Variants in HPF1 observed in about 807,000 individuals in gnomAD.
HPF1 encodes the protein histone PARylation factor 1, also known as UPF0609 protein C4orf27.
HPF1 carries 35 observed loss-of-function variants against 38.8 expected under a neutral mutation model. The ratio of observed to expected loss-of-function variants is 0.90; its 90% confidence interval spans 0.69 to 1.19. The LOEUF is 1.19. Ranked by LOEUF, HPF1 falls within the 50% of genes most tolerant of loss-of-function variation. The probability of loss-of-function intolerance (pLI) is 0.00; values close to 1 mark genes in which losing one functional copy is unlikely to be tolerated. For missense variants in HPF1, 367 were observed against 405.8 expected, an observed-to-expected ratio of 0.90 and a Z score of 0.82; for synonymous variants, 115 against 139.2, an observed-to-expected ratio of 0.83 and a Z score of 1.22.
chr4:169,751,538 C>T (rs961490757), intron 2 of HPF1, among the ~76,000 whole-genome samples: 1 of 152,072 alleles, frequency 6.6e-6, no homozygotes, highest in African/African-American at 2.4e-5. Flanking sequence ...TCTTCCTTCT[C>T]TATTCACGGA....
intron 3 of HPF1, among the ~76,000 whole-genome samples, chr4:169,749,595 T>A (rs575182954): frequency 2.6e-5 from 4 of 151,716 alleles, no homozygotes; most frequent in East Asian, 3.9e-4. Flanking sequence ...AGGGCATTTT[T>A]AAAAAAATTC....
chr4:169,751,295 G>T (rs763295274), intron 2 of HPF1, among the ~76,000 whole-genome samples: 1 of 151,494 alleles, frequency 6.6e-6, no homozygotes, highest in Non-Finnish European at 1.5e-5. Context: ...CCCAGCTATT[G>T]GAGAGGCTGA....
chr4:169,753,034 T>TTG (rs1553979714), intron 2 of HPF1, among the ~76,000 whole-genome samples: 1 of 144,816 alleles, frequency 6.9e-6, no homozygotes, highest in East Asian at 2.0e-4. Context: ...TTAGGTTTTT[T>TTG]TTTTTTTTTT....
intron 1 of HPF1, among the ~76,000 whole-genome samples, chr4:169,754,405 G>A (rs1734159059): frequency 6.6e-6 from 1 of 152,106 alleles, no homozygotes; most frequent in South Asian, 2.1e-4. Context: ...AAAGTTAGCA[G>A]AATAGCACTA....
chr4:169,729,788 A>G lies in HPF1; in HGVS notation c.910-79T>C, dbSNP rs545916935. On this transcript the variant is annotated intron_variant, in intron 7 of 7. Transcript: ENST00000393381. ...GTAGCAGAAAATATATCAACAAAGC[A>G]CTTGTTTAACAAAGGCTACTTCCAA... The G allele has an allele frequency of 9.8e-5, 105 of 1,071,340 alleles. No homozygotes were observed. The East Asian group carries it at 2.1e-3, about 22-fold the overall frequency. 66.4% of individuals were successfully genotyped at this position (1,071,340 alleles called of 1,614,324 possible).
chr4:169,731,533 G>T (rs1010806990), intron 7 of HPF1, among the ~76,000 whole-genome samples, 171 bp downstream of exon 7: 2 of 152,058 alleles, frequency 1.3e-5, no homozygotes, highest in Non-Finnish European at 2.9e-5. Context: ...GGACATCTAC[G>T]TTAAAAAAAA....
chr4:169,744,324 T>G lies in HPF1; in HGVS notation c.498-2217A>C, dbSNP rs1214878627. Among the ~76,000 whole-genome samples the G allele has an allele frequency of 2.0e-5, 3 of 152,242 alleles. 1 individual carries two copies. Among genetic ancestry groups the G allele is most frequent in the Non-Finnish European group, 4.4e-5 (3 of 68,040 alleles). On this transcript the variant is annotated intron_variant, in intron 4 of 7. Coordinates refer to ENST00000393381, the MANE Select transcript of HPF1 (RefSeq NM_017867.3). The stretch of plus-strand genomic sequence containing the variant: ...TATCCTCTTTTACCTCTGCCACTAT[T>G]GAAGGCACTTGGTAGCTGCCTTCCC...
Position 169,745,940 on chromosome 4 carries a change from A to G in HPF1, c.497+2804T>C, listed in dbSNP as rs72696697. Among the ~76,000 whole-genome samples the G allele has an allele frequency of 5.6e-3, 850 of 152,320 alleles. 9 individuals carry two copies. The highest frequency in any genetic ancestry group is 0.047 in the South Asian group (229 of 4,824). ...ATTGGTGCAAAAATAACATTTTATT[A>G]TCACAAATAGTTTTGACCTTAAGGG... On this transcript the variant is annotated intron_variant, in intron 4 of 7. Coordinates refer to ENST00000393381, the MANE Select transcript of HPF1 (RefSeq NM_017867.3).
chr4:169,753,197 C>T (rs991482669), intron 2 of HPF1, among the ~76,000 whole-genome samples: 4 of 151,884 alleles, frequency 2.6e-5, no homozygotes, highest in African/African-American at 9.7e-5. Flanking sequence ...CCATGCCCAG[C>T]TAAATTTTGT....
intron 7 of HPF1, among the ~76,000 whole-genome samples, chr4:169,730,987 G>A (rs1169747485): frequency 6.6e-6 from 1 of 152,142 alleles, no homozygotes; most frequent in East Asian, 1.9e-4. Flanking sequence ...TCTGCGTGTG[G>A]GTATGCACTC....
At chr4:169,746,658 T>C (rs1419157338) in intron 4 of HPF1, among the ~76,000 whole-genome samples, 1 of 152,064 alleles carries the variant, frequency 6.6e-6, no homozygotes, top group African/African-American at 2.4e-5. Flanking sequence ...TTATTCAGTC[T>C]GCCATAAAAA....
chr4:169,730,715 C>T (rs559899247), intron 7 of HPF1, among the ~76,000 whole-genome samples: 57 of 152,330 alleles, frequency 3.7e-4, no homozygotes, highest in Admixed American at 1.2e-3. Flanking sequence ...TTTGGTCTTG[C>T]TTTTCCCAGT....
At chr4:169,730,675 T>C (rs1733818012) in intron 7 of HPF1, among the ~76,000 whole-genome samples, 1 of 152,210 alleles carries the variant, frequency 6.6e-6, no homozygotes, top group African/African-American at 2.4e-5. Flanking sequence ...CCATTGACGC[T>C]GATGCACGCT....
intron 2 of HPF1, among the ~76,000 whole-genome samples, chr4:169,752,624 T>C (rs186238408): frequency 5.9e-5 from 9 of 152,330 alleles, no homozygotes; most frequent in Admixed American, 5.9e-4. Flanking sequence ...TATACACTCT[T>C]CTTTTTCACT....
chr4:169,742,355 C>T (rs1733980318), intron 4 of HPF1, among the ~76,000 whole-genome samples: 2 of 151,976 alleles, frequency 1.3e-5, no homozygotes. Context: ...CTAATGTCTA[C>T]AATAAAGGTA....
intron 1 of HPF1, among the ~76,000 whole-genome samples, chr4:169,754,146 G>T (rs1279389042): frequency 6.6e-6 from 1 of 152,214 alleles, no homozygotes; most frequent in Admixed American, 6.5e-5. Flanking sequence ...AGAAAGGGCA[G>T]ATTTTGCCCT....
At position 169,753,028 on chromosome 4, in the gene HPF1, GT is replaced by G. The variant is rs71590035; in HGVS notation, c.208+647del. Reference sequence around the variant, plus strand: ...ATGAACAGTTTATATCCTTGGTTAGGTTTTTTTTTTTTTTTTTTTTTCTGAG... The same window carrying G: ...ATGAACAGTTTATATCCTTGGTTAGGTTTTTTTTTTTTTTTTTTTTCTGAG... On this transcript the variant is annotated intron_variant, in intron 2 of 7. Coordinates refer to ENST00000393381, the MANE Select transcript of HPF1 (RefSeq NM_017867.3). 7.7e-3 allele frequency among the ~76,000 whole-genome samples: 800 copies of G among 103,850 alleles called. 9 individuals are homozygous for G. Among genetic ancestry groups the G allele is most frequent in the African/African-American group, 0.028 (744 of 26,318 alleles). 68.1% of individuals were successfully genotyped at this position (103,850 alleles called of 152,430 possible).
intron 3 of HPF1, among the ~76,000 whole-genome samples, chr4:169,749,617 C>A (rs1734093169): frequency 6.6e-6 from 1 of 151,234 alleles, no homozygotes; most frequent in Non-Finnish European, 1.5e-5. Flanking sequence ...AACAAATTTG[C>A]CAGTTTTAAG....
At chr4:169,741,223 T>C (rs1233342409) in intron 5 of HPF1, among the ~76,000 whole-genome samples, 1 of 152,226 alleles carries the variant, frequency 6.6e-6, no homozygotes, top group Non-Finnish European at 1.5e-5. Flanking sequence ...TGCTAGTTTA[T>C]TAAGGAATAG....
Sources: allele counts gnomAD v4.1 joint callset (sites outside exome capture counted in the v4.1 genomes callset), GRCh38; gene constraint gnomAD v4.1.1; transcripts MANE v1.5; gene names NCBI Gene and HGNC (gene_info 2026-07-23, HGNC 2026-07-21).